LIN28A: variants seen among roughly 807,000 people sequenced by gnomAD.
LIN28A encodes the protein protein lin-28 homolog A.
Under a neutral mutation model 21.1 loss-of-function variants are expected in LIN28A, and 11 were observed. That is an observed-to-expected ratio of 0.52 (90% CI 0.33 to 0.86). The LOEUF is 0.86. Ranked by LOEUF, LIN28A falls within the 40% of genes least tolerant of loss-of-function variation. The probability of loss-of-function intolerance (pLI) is 0.03; values close to 1 mark genes in which losing one functional copy is unlikely to be tolerated. For synonymous variants in LIN28A, 111 were observed against 108.7 expected (o/e 1.02, Z -0.13); for missense variants, 219 against 279.8 (o/e 0.78, Z 1.55).
chr1:26,414,395 C>T (rs2074981504), intron 2 of LIN28A, among the ~76,000 whole-genome samples: 1 of 152,018 alleles, frequency 6.6e-6, no homozygotes, highest in Non-Finnish European at 1.5e-5. Context: ...GGGGGAAAGG[C>T]AATTTAAAAA....
rs536701465 is a variant in LIN28A, at chr1:26,426,865, T to A, written c.*407T>A. 1.2e-4 allele frequency: 23 copies of A among 189,732 alleles called. No individual in the cohort carries two copies. The highest frequency in any genetic ancestry group is 8.2e-4 in the East Asian group (6 of 7,328). 11.8% of individuals were successfully genotyped at this position (189,732 alleles called of 1,614,324 possible). A position where few individuals can be genotyped will look rare whatever the true frequency, so the allele number is the denominator to read the frequency against. On this transcript the variant is annotated 3_prime_UTR_variant, in exon 4 of 4. Coordinates refer to ENST00000326279, the MANE Select transcript of LIN28A (RefSeq NM_024674.6). ...GATTCATGGAGCCAAGCCACTACATTCTGTGGAAGGAGATCTCTCAGGAGT... is the reference window on the plus strand; with the variant it reads ...GATTCATGGAGCCAAGCCACTACATACTGTGGAAGGAGATCTCTCAGGAGT...
chr1:26,416,896 A>G (rs1345996613), intron 2 of LIN28A, among the ~76,000 whole-genome samples: 1 of 152,198 alleles, frequency 6.6e-6, no homozygotes, highest in Non-Finnish European at 1.5e-5. Flanking sequence ...CTGGATTTAC[A>G]GGCATGAGCC....
At chr1:26,421,135 ATTG>A (rs1422010522) in intron 2 of LIN28A, among the ~76,000 whole-genome samples, 1 of 151,796 alleles carries the variant, frequency 6.6e-6, no homozygotes, top group African/African-American at 2.4e-5. Context: ...TTCCATACAT[ATTG>A]TTCTAAATCT....
chr1:26,420,878 A>G (rs1171370842), intron 2 of LIN28A, among the ~76,000 whole-genome samples: 1 of 152,140 alleles, frequency 6.6e-6, no homozygotes, highest in Non-Finnish European at 1.5e-5. Flanking sequence ...TATTCTGGGT[A>G]GGGTCTGAGA....
chr1:26,416,277 G>A (rs1481405898), intron 2 of LIN28A, among the ~76,000 whole-genome samples: 2 of 152,226 alleles, frequency 1.3e-5, no homozygotes, highest in African/African-American at 4.8e-5. Flanking sequence ...ACAGGCATGA[G>A]CCATGATGCC....
chr1:26,415,796 T>C (rs189034802), intron 2 of LIN28A, among the ~76,000 whole-genome samples: 1 of 152,302 alleles, frequency 6.6e-6, no homozygotes, highest in Admixed American at 6.5e-5. Context: ...CTCGTTTTTG[T>C]TGACAGAGTG....
chr1:26,415,780 G>C (rs547046017), intron 2 of LIN28A, among the ~76,000 whole-genome samples: 1 of 152,224 alleles, frequency 6.6e-6, no homozygotes, highest in South Asian at 2.1e-4. Flanking sequence ...GCCCAGAGAG[G>C]TTCCTCTCGT....
rs901053168 is a variant in LIN28A at position 26,427,718 on chromosome 1, A to G, written c.*1260A>G. On this transcript the variant is annotated 3_prime_UTR_variant, in exon 4 of 4. Coordinates refer to ENST00000326279, the MANE Select transcript of LIN28A (RefSeq NM_024674.6). ...GTTTGTAAAACTAGAGTTGCTAAGG[A>G]TAAGTTTAAAGACCAATACCCCTGT... 2.6e-5 allele frequency: 4 copies of G among 152,174 alleles called. No homozygotes were observed. The highest frequency in any genetic ancestry group is 7.2e-5 in the African/African-American group (3 of 41,414). 9.4% of individuals were successfully genotyped at this position (152,174 alleles called of 1,614,324 possible). A position where few individuals can be genotyped will look rare whatever the true frequency, so the allele number is the denominator to read the frequency against.
intron 2 of LIN28A, among the ~76,000 whole-genome samples, chr1:26,417,521 T>C (rs1338780374): frequency 6.6e-6 from 1 of 152,214 alleles, no homozygotes; most frequent in Non-Finnish European, 1.5e-5. Context: ...TTCAATTATA[T>C]ATGTGACTTG....
rs1216479775 is a variant in LIN28A, at chr1:26,426,689, G to T, written c.*231G>T. 2.5e-5 allele frequency: 13 copies of T among 515,636 alleles called. No homozygotes were observed. Among genetic ancestry groups the T allele is most frequent in the Admixed American group, 2.3e-4 (7 of 30,796 alleles). The allele number at this position is 515,636 out of a possible 1,614,324, so 31.9% of individuals were successfully genotyped here. A position where few individuals can be genotyped will look rare whatever the true frequency, so the allele number is the denominator to read the frequency against. On this transcript the variant is annotated 3_prime_UTR_variant, in exon 4 of 4. Coordinates refer to ENST00000326279, the MANE Select transcript of LIN28A (RefSeq NM_024674.6). ...TGAGGGTTCTGGGGGCAACCAGGAG[G>T]GGGGAATCACCCTACAACCTGCATA...
chr1:26,417,380 G>C (rs2074999998), intron 2 of LIN28A, among the ~76,000 whole-genome samples: 1 of 152,196 alleles, frequency 6.6e-6, no homozygotes, highest in Non-Finnish European at 1.5e-5. Flanking sequence ...GCTTCTGGGA[G>C]AACCGGTTGG....
At chr1:26,421,562 A>G (rs2124298311) in intron 2 of LIN28A, among the ~76,000 whole-genome samples, 1 of 152,312 alleles carries the variant, frequency 6.6e-6, no homozygotes, top group East Asian at 1.9e-4. Context: ...TATTTTTCTT[A>G]ACAATGAGGT....
At position 26,410,923 on chromosome 1, in the gene LIN28A, G is replaced by A; in HGVS notation, c.31+1G>A. 1 of 1,605,934 alleles carries A rather than the reference G, an allele frequency of 6.2e-7. No individual in the cohort carries two copies. The highest frequency in any genetic ancestry group is 8.5e-7 in the Non-Finnish European group (1 of 1,177,810). ...TCCGTGTCCAACCAGCAGTTTGCAGGTTCGAGCTCGGGACTTAGCGGGGAC... is the reference window on the plus strand; with the variant it reads ...TCCGTGTCCAACCAGCAGTTTGCAGATTCGAGCTCGGGACTTAGCGGGGAC... On this transcript the variant is annotated splice_donor_variant, in intron 1 of 3. Transcript: ENST00000326279. LOFTEE classifies it high-confidence loss of function.
chr1:26,411,476 CG>C lies in LIN28A; in HGVS notation c.125del (p.Gly42AlafsTer17). On this transcript the variant is annotated frameshift_variant, in exon 2 of 4. Transcript: ENST00000326279. LOFTEE classifies it high-confidence loss of function. This position sits in a 1 kb window ranked among gnomAD's most constrained non-coding sequence, Gnocchi z 5.4. ...GACGAGCCTCAGCTGCTGCACGGTG[CG>C]GGCATCTGTAAGTGGTTCAACGTGC... is the stretch of plus-strand genomic sequence containing the variant. Reference protein sequence around the residue: ...AADEPQLLHGAGICKWFNVRM... With the variant: ...AADEPQLLHGXGICKWFNVRM... 1 of 1,613,962 alleles carries C rather than the reference CG, an allele frequency of 6.2e-7. No individual in the cohort carries two copies. Among genetic ancestry groups the C allele is most frequent in the Non-Finnish European group, 8.5e-7 (1 of 1,179,940 alleles).
intron 2 of LIN28A, among the ~76,000 whole-genome samples, chr1:26,413,415 G>C (rs1456015909): frequency 6.6e-6 from 1 of 152,018 alleles, no homozygotes; most frequent in Non-Finnish European, 1.5e-5. Flanking sequence ...ATGGGGACTT[G>C]GGCCTCAGCA....
Position 26,411,089 on chromosome 1 carries a change from T to C in LIN28A, c.31+167T>C, listed in dbSNP as rs553485827. Reference sequence around the variant, plus strand: ...GGGGCCAGGAACCTTGGTGTCCCAGTGGCGTGCGCGCCAGACTACGTGGGT... The same window carrying C: ...GGGGCCAGGAACCTTGGTGTCCCAGCGGCGTGCGCGCCAGACTACGTGGGT... On this transcript the variant is annotated intron_variant, in intron 1 of 3. Coordinates refer to ENST00000326279, the MANE Select transcript of LIN28A (RefSeq NM_024674.6). The surrounding 1 kb of genome is among the most constrained non-coding windows in gnomAD (Gnocchi z 5.4). Among the ~76,000 whole-genome samples, 10 of 152,200 alleles carry C rather than the reference T, an allele frequency of 6.6e-5. No individual in the cohort carries two copies. In the East Asian group the frequency reaches 1.9e-3, roughly 29 times the overall value.
rs2074953727 is a variant in LIN28A at position 26,410,890 on chromosome 1, C to T, written c.-2C>T. 1.9e-6 allele frequency: 3 copies of T among 1,610,610 alleles called. No individual in the cohort carries two copies. The highest frequency in any genetic ancestry group is 1.7e-5 in the Admixed American group (1 of 58,458). On this transcript the variant is annotated 5_prime_UTR_variant, in exon 1 of 4. Transcript: ENST00000326279. Reference sequence around the variant, plus strand: ...CCGGGGCCACGGGCTCAGCCGACGACCATGGGCTCCGTGTCCAACCAGCAG... The same window carrying T: ...CCGGGGCCACGGGCTCAGCCGACGATCATGGGCTCCGTGTCCAACCAGCAG...
chr1:26,419,036 G>T (rs901872542), intron 2 of LIN28A, among the ~76,000 whole-genome samples: 1 of 151,956 alleles, frequency 6.6e-6, no homozygotes, highest in Non-Finnish European at 1.5e-5. Flanking sequence ...TACTGGGGGA[G>T]CTCAGGCCAT....
At chr1:26,416,724 T>C (rs933069378) in intron 2 of LIN28A, among the ~76,000 whole-genome samples, 1 of 152,118 alleles carries the variant, frequency 6.6e-6, no homozygotes, top group African/African-American at 2.4e-5. Flanking sequence ...TTTGAGCGAT[T>C]TTCCTGCCTC....
Sources: allele counts gnomAD v4.1 joint callset (sites outside exome capture counted in the v4.1 genomes callset), GRCh38; gene constraint gnomAD v4.1.1; non-coding constraint Gnocchi (gnomAD v3.1); transcripts MANE v1.5; gene names NCBI Gene and HGNC (gene_info 2026-07-23, HGNC 2026-07-21).